Variants in APBB2 observed in about 807,000 individuals in gnomAD.
APBB2 encodes the protein Fe65-like 1.
A neutral mutation model predicts 82.5 loss-of-function variants in APBB2; 38 were observed. That is an observed-to-expected ratio of 0.46 (90% CI 0.36 to 0.60). The LOEUF (loss-of-function observed/expected upper bound fraction) is 0.60, where lower values mean the gene tolerates loss of function less well. APBB2 is among the 20% of genes least tolerant of loss of function. APBB2 has a pLI of 0.00. For synonymous variants in APBB2, 341 were observed against 368.2 expected, an observed-to-expected ratio of 0.93 and a Z score of 0.85; for missense variants, 772 against 972.3, an observed-to-expected ratio of 0.79 and a Z score of 2.74.
At chr4:41,087,069 G>A (rs928931724) in intron 3 of APBB2, among the ~76,000 whole-genome samples, 1 of 152,180 alleles carries the variant, frequency 6.6e-6, no homozygotes, top group African/African-American at 2.4e-5. Context: ...GAGCCCAGGA[G>A]TTCAAAGCTA....
intron 12 of APBB2, among the ~76,000 whole-genome samples, chr4:40,847,507 C>G (rs1165983812): frequency 1.3e-5 from 2 of 152,138 alleles, no homozygotes; most frequent in Admixed American, 1.3e-4. Flanking sequence ...AGGCTCCTAT[C>G]TGACAAAGCA....
At chr4:41,092,159 G>T (rs188402519) in intron 3 of APBB2, among the ~76,000 whole-genome samples, 30 of 152,342 alleles carry the variant, frequency 2.0e-4, no homozygotes, top group Middle Eastern at 3.4e-3. Context: ...TCTGTCTGCT[G>T]TTGAACATCA....
intron 3 of APBB2, among the ~76,000 whole-genome samples, chr4:41,087,795 A>G (rs1037488836): frequency 6.6e-6 from 1 of 152,194 alleles, no homozygotes; most frequent in Admixed American, 6.5e-5. Context: ...GACATTTTAC[A>G]TAAGACAATC....
At chr4:40,880,732 A>G in intron 12 of APBB2, 1 of 985,412 alleles carries the variant, frequency 1.0e-6, no homozygotes, top group South Asian at 4.7e-5. Context: ...ACTCAGGGGA[A>G]GTGCGAGATG....
intron 4 of APBB2, among the ~76,000 whole-genome samples, chr4:41,045,916 G>A (rs1723226290): frequency 6.6e-6 from 1 of 152,064 alleles, no homozygotes; most frequent in African/African-American, 2.4e-5. Context: ...CGGGTGACAG[G>A]ATTTAGAAAA....
intron 4 of APBB2, among the ~76,000 whole-genome samples, chr4:41,057,626 T>C (rs940677342): frequency 5.9e-5 from 9 of 152,254 alleles, no homozygotes; most frequent in African/African-American, 2.2e-4. Context: ...GGTTTCATCT[T>C]GCACGGATTT....
chr4:40,837,577 C>T (rs1754397969), intron 12 of APBB2, among the ~76,000 whole-genome samples: 1 of 152,202 alleles, frequency 6.6e-6, no homozygotes, highest in Admixed American at 6.5e-5. Flanking sequence ...TGAAATTCTA[C>T]CACCTGTGAT....
At position 41,116,967 on chromosome 4, in the gene APBB2, C is replaced by A. The variant is rs112204335; in HGVS notation, c.-260-16217G>T. Among the ~76,000 whole-genome samples, 245 of 152,244 alleles carry A rather than the reference C, an allele frequency of 1.6e-3. 1 individual carries two copies. Among genetic ancestry groups the A allele is most frequent in the Non-Finnish European group, 2.6e-3 (178 of 68,016 alleles). On this transcript the variant is annotated intron_variant, in intron 2 of 17. Transcript: ENST00000508593. ...CCTCTGTCGCTTTGTGAGATACAGT[C>A]TCTCAACCTGGTGTTTTATTCTCCC...
intron 6 of APBB2, among the ~76,000 whole-genome samples, chr4:40,966,342 C>G (rs1794648430): frequency 6.6e-6 from 1 of 152,226 alleles, no homozygotes; most frequent in Non-Finnish European, 1.5e-5. Context: ...GGTAGCCCAT[C>G]TGGAGTGCTG....
intron 4 of APBB2, among the ~76,000 whole-genome samples, chr4:41,049,431 G>A (rs1011050687): frequency 2.0e-5 from 3 of 148,596 alleles, no homozygotes; most frequent in Non-Finnish European, 4.5e-5. Flanking sequence ...GGACAGCCCC[G>A]CCCGGCCAGC....
Position 41,206,846 on chromosome 4 carries a change from A to C in APBB2, c.-417+7559T>G, listed in dbSNP as rs1351555266. On this transcript the variant is annotated intron_variant, in intron 1 of 17. Coordinates refer to ENST00000508593, the MANE Select transcript of APBB2 (RefSeq NM_004307.2). ...CAGGTCGACTCTTGCCCAGGACAGAAGTCTACCTGAGAAACAGAAGGAAGA... is the reference window on the plus strand; with the variant it reads ...CAGGTCGACTCTTGCCCAGGACAGACGTCTACCTGAGAAACAGAAGGAAGA... Among the ~76,000 whole-genome samples the C allele has an allele frequency of 1.3e-5, 2 of 152,196 alleles. 1 individual carries two copies. The highest frequency in any genetic ancestry group is 1.3e-4 in the Admixed American group (2 of 15,272).
At chr4:41,062,524 T>A (rs1402163958) in intron 4 of APBB2, among the ~76,000 whole-genome samples, 5 of 151,994 alleles carry the variant, frequency 3.3e-5, no homozygotes, top group African/African-American at 1.2e-4. Context: ...AAGGGAGGAA[T>A]GGAGAACAAA....
chr4:41,169,673 G>A (rs1017144044), intron 1 of APBB2, among the ~76,000 whole-genome samples: 8 of 152,196 alleles, frequency 5.3e-5, no homozygotes, highest in South Asian at 2.1e-4. Flanking sequence ...AGCAGCCTGC[G>A]ATATGGTAAA....
At chr4:41,061,457 A>G (rs1356602587) in intron 4 of APBB2, among the ~76,000 whole-genome samples, 1 of 152,210 alleles carries the variant, frequency 6.6e-6, no homozygotes, top group African/African-American at 2.4e-5. Flanking sequence ...CCAGGCTACA[A>G]ACCTGTACAG....
intron 11 of APBB2, 40 bp downstream of exon 11, chr4:40,893,225 C>T (rs201110229): frequency 3.1e-5 from 49 of 1,599,362 alleles, no homozygotes; most frequent in Non-Finnish European, 2.0e-5. Context: ...TGCAGGAGAA[C>T]GTAAACAGCC....
chr4:41,066,269 C>A (rs78171108), intron 3 of APBB2, among the ~76,000 whole-genome samples: 2 of 152,252 alleles, frequency 1.3e-5, no homozygotes, highest in East Asian at 3.9e-4. Context: ...CTGCAGAAGT[C>A]CCCTTCATGC....
intron 12 of APBB2, among the ~76,000 whole-genome samples, chr4:40,842,021 C>T (rs1355407781): frequency 6.6e-6 from 1 of 152,208 alleles, no homozygotes; most frequent in Non-Finnish European, 1.5e-5. Context: ...CCTCCTTCTA[C>T]AACATGGCAC....
chr4:40,965,101 C>A (rs1365317751), intron 6 of APBB2, among the ~76,000 whole-genome samples: 2 of 147,422 alleles, frequency 1.4e-5, no homozygotes, highest in Admixed American at 6.9e-5. Context: ...GCCAGGGCGA[C>A]AGAGCAAGAC....
intron 7 of APBB2, among the ~76,000 whole-genome samples, chr4:40,938,163 A>G (rs757727489): frequency 1.3e-5 from 2 of 152,228 alleles, no homozygotes; most frequent in Non-Finnish European, 1.5e-5. Flanking sequence ...AATGCAGCTA[A>G]AGCCTTGCAC....
Sources: allele counts gnomAD v4.1 joint callset (sites outside exome capture counted in the v4.1 genomes callset), GRCh38; gene constraint gnomAD v4.1.1; transcripts MANE v1.5; gene names NCBI Gene and HGNC (gene_info 2026-07-23, HGNC 2026-07-21).